The following RNF24 variants were observed in gnomAD, a reference collection of about 807,000 sequenced individuals.
RNF24 encodes the protein ring finger protein 24.
Under a neutral mutation model 20.0 loss-of-function variants are expected in RNF24, and 14 were observed. The ratio of observed to expected loss-of-function variants is 0.70; its 90% CI spans 0.46 to 1.10. The LOEUF is 1.10. Among genes scored for constraint, RNF24 ranks in the 50% least tolerant of loss-of-function variants. RNF24 has a pLI of 0.00. For synonymous variants in RNF24, 45 were observed against 61.1 expected, an observed-to-expected ratio of 0.74 and a Z score of 1.23; for missense variants, 124 against 177.6, an observed-to-expected ratio of 0.70 and a Z score of 1.71.
chr20:3,964,047 A>T, intron 1 of RNF24, 23 bp from the exon 2 acceptor site: 1 of 1,591,054 alleles, frequency 6.3e-7, no homozygotes, highest in African/African-American at 1.3e-5. Context: ...AAAAGAATGG[A>T]AAAAAAATAG....
intron 1 of RNF24, among the ~76,000 whole-genome samples, chr20:3,977,190 A>G (rs2147017164): frequency 6.6e-6 from 1 of 152,330 alleles, no homozygotes; most frequent in Admixed American, 6.5e-5. Context: ...CATTCCACTA[A>G]TTAAAATCCC....
chr20:4,002,011 G>A (rs113788813), intron 1 of RNF24, among the ~76,000 whole-genome samples: 2,520 of 152,076 alleles, frequency 0.017, 24 homozygotes, highest in Non-Finnish European at 0.026. Flanking sequence ...CCACCACTTT[G>A]GGAGGCCGAG....
chr20:3,949,443 T>A lies in RNF24; in HGVS notation c.144-1164A>T, dbSNP rs2091057073. On this transcript the variant is annotated intron_variant, in intron 2 of 5. Coordinates refer to ENST00000358395, the MANE Select transcript of RNF24 (RefSeq NM_001134337.3). ...GCTCATGCCTGTAATCCCAGCACTT[T>A]GGGAGGCTGAGGCAGGAGGATCGCT... Among the ~76,000 whole-genome samples, 5 of 152,080 alleles carry A rather than the reference T, an allele frequency of 3.3e-5. No individual in the cohort carries two copies. The South Asian group carries it at 1.0e-3, about 32-fold the overall frequency.
intron 2 of RNF24, among the ~76,000 whole-genome samples, chr20:3,961,693 C>CT (rs971293942): frequency 1.3e-5 from 2 of 151,146 alleles, no homozygotes. Flanking sequence ...ATAACATTTT[C>CT]TTTTTTTTAC....
intron 3 of RNF24, among the ~76,000 whole-genome samples, chr20:3,946,182 C>A (rs565385531): frequency 6.6e-6 from 1 of 152,038 alleles, no homozygotes; most frequent in Admixed American, 6.6e-5. Flanking sequence ...GATTATAATA[C>A]GTGGCCAGGC....
chr20:4,008,376 A>ATGTAATATG (rs1183707959), intron 1 of RNF24, among the ~76,000 whole-genome samples: 2 of 35,642 alleles, frequency 5.6e-5, no homozygotes, highest in African/African-American at 1.5e-4. Flanking sequence ...TATATTATAT[A>ATGTAATATG]TATAATATAT....
intron 4 of RNF24, 25 bp downstream of exon 4, chr20:3,945,151 AG>A (rs1399565048): frequency 6.3e-7 from 1 of 1,595,516 alleles, no homozygotes; most frequent in African/African-American, 1.4e-5. Flanking sequence ...AAATGGCTCA[AG>A]AGGATTTACT....
rs1158154273 is a variant in RNF24, at chr20:3,934,643, T to G, written c.308+351A>C. 6.6e-6 allele frequency among the ~76,000 whole-genome samples: 1 copy of G among 152,198 alleles called. No homozygotes were observed. Among genetic ancestry groups the G allele is most frequent in the East Asian group, 1.9e-4 (1 of 5,202 alleles). On this transcript the variant is annotated intron_variant, in intron 5 of 5. Coordinates refer to ENST00000358395, the MANE Select transcript of RNF24 (RefSeq NM_001134337.3). This position sits in a 1 kb window ranked among gnomAD's most constrained non-coding sequence, Gnocchi z 4.0. ...CCCACACTACCATTTATATCCAGAC[T>G]TTATTTTGATTTTAAATAACTATGG...
intron 2 of RNF24, among the ~76,000 whole-genome samples, chr20:3,956,131 C>T (rs1158612038): frequency 6.6e-6 from 1 of 151,982 alleles, no homozygotes; most frequent in Non-Finnish European, 1.5e-5. Context: ...TTTTTCTTGC[C>T]TAATTGTTCT....
intron 1 of RNF24, among the ~76,000 whole-genome samples, chr20:3,971,036 T>A (rs1013275963): frequency 1.3e-5 from 2 of 152,188 alleles, no homozygotes; most frequent in African/African-American, 4.8e-5. Context: ...AGACACATCG[T>A]AGTCAAACTT....
rs977916980 is a variant in RNF24 at position 3,993,373 on chromosome 20, C to T, written c.-8+22064G>A. Reference sequence around the variant, plus strand: ...CCCGATCTCAGCTCACTGCAACCTCCACCTCCCACATTCAAGTGATTTTCC... The same window carrying T: ...CCCGATCTCAGCTCACTGCAACCTCTACCTCCCACATTCAAGTGATTTTCC... On this transcript the variant is annotated intron_variant, in intron 1 of 5. Transcript: ENST00000358395. Among the ~76,000 whole-genome samples, 5 of 152,066 alleles carry T rather than the reference C, an allele frequency of 3.3e-5. No homozygotes were observed. The South Asian group carries it at 1.0e-3, about 32-fold the overall frequency.
chr20:3,949,389 A>C (rs241644), intron 2 of RNF24, among the ~76,000 whole-genome samples: 47,077 of 150,276 alleles, frequency 0.31, 8,021 homozygotes, highest in African/African-American at 0.46. Context: ...TGAAAAAAAT[A>C]AAAGTACTCA....
In RNF24 at chr20:3,931,610, G is replaced by A. The variant is rs2090823798; in HGVS notation, c.*2453C>T. 6.6e-6 allele frequency: 1 copy of A among 152,186 alleles called. No homozygotes were observed. The allele number at this position is 152,186 out of a possible 1,614,324, so 9.4% of individuals were successfully genotyped here. A position where few individuals can be genotyped will look rare whatever the true frequency, so the allele number is the denominator to read the frequency against. ...TGCTAGTGATACTAGGCTTGCTGCA[G>A]GAGGATGTCACGCTGAGAAAGGGAG... is the stretch of plus-strand genomic sequence containing the variant. On this transcript the variant is annotated 3_prime_UTR_variant, in exon 6 of 6. Coordinates refer to ENST00000358395, the MANE Select transcript of RNF24 (RefSeq NM_001134337.3).
In RNF24 at chr20:3,932,308, T is replaced by C. The variant is rs2090834454; in HGVS notation, c.*1755A>G. On this transcript the variant is annotated 3_prime_UTR_variant, in exon 6 of 6. Transcript: ENST00000358395. ...AGTAGGAGTGCATAAATAGTTTTTT[T>C]CATGGGTGCCAGACAGGCTAAGGCT... 1 of 152,242 alleles carries C rather than the reference T, an allele frequency of 6.6e-6. No individual in the cohort carries two copies. Among genetic ancestry groups the C allele is most frequent in the South Asian group, 2.1e-4 (1 of 4,832 alleles). 9.4% of individuals were successfully genotyped at this position (152,242 alleles called of 1,614,324 possible). A position where few individuals can be genotyped will look rare whatever the true frequency, so the allele number is the denominator to read the frequency against.
chr20:3,970,028 A>T (rs535184114), intron 1 of RNF24, among the ~76,000 whole-genome samples: 1 of 152,244 alleles, frequency 6.6e-6, no homozygotes, highest in Admixed American at 6.5e-5. Flanking sequence ...CACCTCAGTG[A>T]TATCAGTAGA....
intron 3 of RNF24, among the ~76,000 whole-genome samples, chr20:3,946,836 A>G (rs2091024621): frequency 1.3e-5 from 2 of 152,162 alleles, no homozygotes; most frequent in South Asian, 4.1e-4. Context: ...CAGTATGTCC[A>G]TCTAGGGAAT....
At chr20:4,011,925 A>T (rs922152986) in intron 1 of RNF24, among the ~76,000 whole-genome samples, 6 of 152,270 alleles carry the variant, frequency 3.9e-5, no homozygotes, top group African/African-American at 1.2e-4. Context: ...CAGTATAAAC[A>T]TTAAAAATGA....
intron 4 of RNF24, among the ~76,000 whole-genome samples, chr20:3,937,954 G>A (rs956085928): frequency 4.6e-5 from 7 of 152,110 alleles, no homozygotes; most frequent in Non-Finnish European, 8.8e-5. Flanking sequence ...CCTTGTTTAC[G>A]TTCTTTTGGG....
chr20:4,014,696 C>T (rs1982736712), intron 1 of RNF24, among the ~76,000 whole-genome samples: 1 of 151,738 alleles, frequency 6.6e-6, no homozygotes, highest in South Asian at 2.1e-4. Flanking sequence ...TTTTGACAAT[C>T]TCTGATTCTC....
Sources: allele counts gnomAD v4.1 joint callset (sites outside exome capture counted in the v4.1 genomes callset), GRCh38; gene constraint gnomAD v4.1.1; non-coding constraint Gnocchi (gnomAD v3.1); transcripts MANE v1.5; gene names NCBI Gene and HGNC (gene_info 2026-07-23, HGNC 2026-07-21).